The following ATR variants were observed in gnomAD, a reference collection of about 807,000 sequenced individuals.
ATR encodes serine/threonine-protein kinase ATR.
Under a neutral mutation model 305.3 loss-of-function variants are expected in ATR, and 142 were observed. That is an observed-to-expected ratio of 0.47 (90% CI 0.41 to 0.53). ATR has a LOEUF of 0.53. Among genes scored for constraint, ATR ranks in the 20% least tolerant of loss-of-function variants. ATR has a pLI of 0.00. For missense variants in ATR, 2,135 were observed against 3,133.1 expected (o/e 0.68, Z 7.60); for synonymous variants, 1,050 against 1,068.1 (o/e 0.98, Z 0.33).
chr3:142,465,053 A>C, intron 41 of ATR, 44 bp downstream of exon 41: 1 of 1,264,578 alleles, frequency 7.9e-7, no homozygotes, highest in Non-Finnish European at 1.0e-6. Context: ...ATTTTTTTAA[A>C]ATAAAAAATA....
rs564283952 is a variant in ATR, at chr3:142,549,606, C to T, written c.3044G>A (p.Arg1015Gln). The T allele has an allele frequency of 2.5e-6, 4 of 1,613,332 alleles. No homozygotes were observed. Among genetic ancestry groups the T allele is most frequent in the African/African-American group, 2.7e-5 (2 of 74,966 alleles). Residue 1015 changes from arginine (R) to glutamine (Q), a missense_variant, in exon 15 of 47, where the codon CGA (arginine) becomes CAA (glutamine). By Grantham distance (43) the Arg-to-Gln change is conservative (BLOSUM62 1). Coordinates refer to ENST00000350721, the MANE Select transcript of ATR (RefSeq NM_001184.4). Reference protein sequence around the residue: ...KASPAASALIRTLGKQLNVNR... With the variant: ...KASPAASALIQTLGKQLNVNR... ...GACATTTAATTGTTTTCCTAAAGTT[C>T]GAATGAGAGCAGAAGCTGCAGGGCT... is the stretch of plus-strand genomic sequence containing the variant.
At chr3:142,546,085 C>A (rs528417727) in intron 16 of ATR, among the ~76,000 whole-genome samples, 45 of 152,122 alleles carry the variant, frequency 3.0e-4, no homozygotes, top group Admixed American at 1.2e-3. Flanking sequence ...TACTTAGGAT[C>A]CCTTACCCTC....
intron 1 of ATR, among the ~76,000 whole-genome samples, chr3:142,570,489 C>T (rs2035224987): frequency 6.6e-6 from 1 of 152,114 alleles, no homozygotes; most frequent in African/African-American, 2.4e-5. Context: ...TGGGTTCAAG[C>T]GATTCTCCTG....
chr3:142,541,348 TTC>T (rs1333634913), intron 17 of ATR, among the ~76,000 whole-genome samples: 2 of 152,202 alleles, frequency 1.3e-5, no homozygotes, highest in African/African-American at 4.8e-5. Context: ...ATTGTTTAAT[TTC>T]TTTCATATCT....
chr3:142,527,722 T>C (rs1006736373), intron 21 of ATR, among the ~76,000 whole-genome samples: 50 of 152,214 alleles, frequency 3.3e-4, no homozygotes, highest in African/African-American at 1.1e-3. Context: ...TCACATACTA[T>C]AAAATTAACT....
intron 46 of ATR, chr3:142,452,698 C>CACA (rs932396206): frequency 3.0e-5 from 31 of 1,038,148 alleles, no homozygotes; most frequent in Admixed American, 1.6e-4. Flanking sequence ...CCACCACCAC[C>CACA]ACAACAACAA....
intron 1 of ATR, among the ~76,000 whole-genome samples, chr3:142,573,453 CAA>C (rs1218216880): frequency 0.046 from 2,102 of 45,776 alleles, 25 homozygotes; most frequent in African/African-American, 0.14. Context: ...GACTTCATCT[CAA>C]AAAAAAAAAA....
At chr3:142,452,825 C>G in intron 46 of ATR, 1 of 1,216,842 alleles carries the variant, frequency 8.2e-7, no homozygotes, top group Non-Finnish European at 1.0e-6. Flanking sequence ...ACCTGTTGTT[C>G]TGTAAGTTCA....
At chr3:142,496,332 A>ATC (rs2031638021) in intron 34 of ATR, 29 bp downstream of exon 34, 2 of 574,298 alleles carry the variant, frequency 3.5e-6, no homozygotes, top group African/African-American at 2.4e-5. Flanking sequence ...ATATATATAT[A>ATC]TATATGATGA....
chr3:142,513,209 CA>C (rs2032666852), intron 26 of ATR, among the ~76,000 whole-genome samples: 1 of 152,038 alleles, frequency 6.6e-6, no homozygotes, highest in Non-Finnish European at 1.5e-5. Flanking sequence ...ATAAATTTTG[CA>C]TTTACATTTA....
intron 16 of ATR, among the ~76,000 whole-genome samples, chr3:142,543,295 C>T (rs2034123989): frequency 6.6e-6 from 1 of 152,136 alleles, no homozygotes; most frequent in African/African-American, 2.4e-5. Flanking sequence ...ATATCATCAT[C>T]CATGACGCTT....
At chr3:142,513,452 G>C in intron 26 of ATR, 49 bp downstream of exon 26, 1 of 1,594,672 alleles carries the variant, frequency 6.3e-7, no homozygotes. Context: ...TTACATTGGA[G>C]AAAGTAAGTT....
chr3:142,570,905 C>T (rs943744321), intron 1 of ATR, among the ~76,000 whole-genome samples: 1 of 152,088 alleles, frequency 6.6e-6, no homozygotes. Flanking sequence ...AACTAAAGAA[C>T]TGTATGAGAT....
At chr3:142,451,464 C>A (rs2070787165) in intron 46 of ATR, 2 of 1,491,990 alleles carry the variant, frequency 1.3e-6, no homozygotes, top group Non-Finnish European at 1.8e-6. Flanking sequence ...AGACTTTGGT[C>A]TGGCTTGCCC....
At chr3:142,561,193 A>C (rs2034865203) in intron 5 of ATR, 50 bp downstream of exon 5, 1 of 1,582,312 alleles carries the variant, frequency 6.3e-7, no homozygotes, top group South Asian at 1.1e-5. Context: ...TTAAAAGTGA[A>C]CAAAGTTTTA....
At chr3:142,451,267 T>A in intron 46 of ATR, 2 of 1,207,206 alleles carry the variant, frequency 1.7e-6, no homozygotes, top group Non-Finnish European at 1.0e-6. Context: ...ACTGGCTAGC[T>A]GAGAGAAACA....
intron 36 of ATR, among the ~76,000 whole-genome samples, chr3:142,480,722 C>T (rs2030376437): frequency 6.6e-6 from 1 of 152,204 alleles, no homozygotes; most frequent in Non-Finnish European, 1.5e-5. Context: ...CCTTGAGCTG[C>T]AGTGGGCTCC....
chr3:142,560,177 A>T, intron 6 of ATR, 86 bp downstream of exon 6: 1 of 1,323,520 alleles, frequency 7.6e-7, no homozygotes, highest in Non-Finnish European at 1.1e-6. Flanking sequence ...TTCTAAGGTT[A>T]CATGAGTCAA....
chr3:142,524,830 T>C (rs1328748134), intron 21 of ATR, among the ~76,000 whole-genome samples: 5 of 152,206 alleles, frequency 3.3e-5, no homozygotes, highest in Admixed American at 1.3e-4. Flanking sequence ...CAGGATGCTG[T>C]AATGAATAAA....
Sources: gnomAD v4.1 joint callset for allele counts (sites outside exome capture counted in the v4.1 genomes callset) on GRCh38, gnomAD v4.1.1 for gene constraint, MANE v1.5 for transcripts, NCBI Gene and HGNC (gene_info 2026-07-23, HGNC 2026-07-21) for gene names.